The following PCNX1 variants were observed in gnomAD, a reference collection of about 807,000 sequenced individuals.
PCNX1 encodes the protein pecanex-like protein 1.
Under a neutral mutation model 242.2 loss-of-function variants are expected in PCNX1, and 78 were observed. The observed-to-expected ratio is 0.32, with a 90% CI of 0.27 to 0.39. PCNX1 has a LOEUF of 0.39. PCNX1 is among the 10% of genes least tolerant of loss of function. PCNX1 has a pLI of 1.00. For missense variants in PCNX1, 2,581 were observed against 2,856.5 expected (o/e 0.90, Z 2.20); for synonymous variants, 1,024 against 1,032.9 (o/e 0.99, Z 0.17).
At chr14:70,999,349 G>A (rs2059440005) in intron 8 of PCNX1, among the ~76,000 whole-genome samples, 1 of 152,136 alleles carries the variant, frequency 6.6e-6, no homozygotes, top group South Asian at 2.1e-4. Context: ...TTTTTTCTGT[G>A]TATGAAATTA....
chr14:70,974,468 T>C (rs984296148), intron 5 of PCNX1, among the ~76,000 whole-genome samples: 2 of 152,200 alleles, frequency 1.3e-5, no homozygotes, highest in African/African-American at 4.8e-5. Flanking sequence ...TTTCTCATGT[T>C]ATTACATAAT....
rs888306072 is a variant in PCNX1 at position 71,009,368 on chromosome 14, GA to G, written c.2630-260del. Reference sequence around the variant, plus strand: ...AATAGAGAATGTGCCGTGGGAAAAAGAAAAAAGAGATTGGTATTGCAAAGCT... The same window carrying G: ...AATAGAGAATGTGCCGTGGGAAAAAGAAAAAGAGATTGGTATTGCAAAGCT... On this transcript the variant is annotated intron_variant, in intron 8 of 35. Coordinates refer to ENST00000304743, the MANE Select transcript of PCNX1 (RefSeq NM_014982.3). 2.0e-5 allele frequency among the ~76,000 whole-genome samples: 3 copies of G among 152,014 alleles called. No individual in the cohort carries two copies. In the East Asian group the frequency reaches 5.8e-4, roughly 29 times the overall value.
intron 3 of PCNX1, among the ~76,000 whole-genome samples, chr14:70,962,925 ATTT>A (rs2058267702): frequency 1.3e-5 from 2 of 152,180 alleles, no homozygotes; most frequent in African/African-American, 2.4e-5. Context: ...TCAGCAGATG[ATTT>A]CATTGGGTAG....
At chr14:70,976,417 G>A (rs1309302094) in intron 5 of PCNX1, among the ~76,000 whole-genome samples, 1 of 146,786 alleles carries the variant, frequency 6.8e-6, no homozygotes, top group Admixed American at 7.0e-5. Flanking sequence ...CTTTTGCCCA[G>A]GCTGGAGTGC....
Position 71,089,203 on chromosome 14 carries a change from C to A in PCNX1, c.5450C>A (p.Ser1817Ter). Residue 1817 changes from serine to a stop codon, truncating the protein, a stop_gained, in exon 30 of 36, where the codon TCA becomes TAA. Coordinates refer to ENST00000304743, the MANE Select transcript of PCNX1 (RefSeq NM_014982.3). LOFTEE classifies it high-confidence loss of function. The part of the protein sequence containing the change: ...ASHHMSSNLE[S>*]FLYGLHALFK... ...TCCAATCTTAACAGTAATTTAGAGTCATTCCTCTATGGATTGCATGCCCTA... is the reference window on the plus strand; with the variant it reads ...TCCAATCTTAACAGTAATTTAGAGTAATTCCTCTATGGATTGCATGCCCTA... The A allele has an allele frequency of 1.2e-6, 2 of 1,607,272 alleles. No individual in the cohort carries two copies. Among genetic ancestry groups the A allele is most frequent in the South Asian group, 2.2e-5 (2 of 90,302 alleles).
rs150409436 is a variant in PCNX1, at chr14:71,066,270, A to G, written c.4853-7275A>G. Among the ~76,000 whole-genome samples, 48 of 152,146 alleles carry G rather than the reference A, an allele frequency of 3.2e-4. 1 individual carries two copies. The East Asian group carries it at 8.7e-3, about 28-fold the overall frequency. On this transcript the variant is annotated intron_variant, in intron 26 of 35. Coordinates refer to ENST00000304743, the MANE Select transcript of PCNX1 (RefSeq NM_014982.3). ...GCATGGAATGTTTTTCCATTTGTTT[A>G]TGTCCTCTCTTATTTCCTTGAGCAG...
Position 71,109,467 on chromosome 14 carries a change from C to A in PCNX1, c.6760C>A (p.Gln2254Lys). The change falls in exon 35 of 36, where the codon CAA becomes AAA. Residue 2254 changes from glutamine (Q) to lysine (K), a missense_variant. By Grantham distance (53) the Gln-to-Lys change is moderately conservative (BLOSUM62 1). This residue lies in a region of PCNX1 where 432 missense variants were observed against 433.6 expected (regional missense o/e 1.00). Coordinates refer to ENST00000304743, the MANE Select transcript of PCNX1 (RefSeq NM_014982.3). ...TACCATGTAGATTGTGGATCCCAGT[C>A]AAATTCTGGAAGGGATCAACCTGTC... is the stretch of plus-strand genomic sequence containing the variant. ...IYRVQIVDPS[Q>K]ILEGINLSKR... 1.2e-6 allele frequency: 2 copies of A among 1,612,048 alleles called. No homozygotes were observed. Among genetic ancestry groups the A allele is most frequent in the Non-Finnish European group, 1.7e-6 (2 of 1,178,882 alleles).
chr14:70,981,906 T>C (rs529317156), intron 6 of PCNX1, among the ~76,000 whole-genome samples: 1 of 152,222 alleles, frequency 6.6e-6, no homozygotes, highest in Non-Finnish European at 1.5e-5. Flanking sequence ...TGTGTTTACT[T>C]ACTATTCTTT....
At chr14:71,076,982 T>C (rs1164182873) in intron 28 of PCNX1, among the ~76,000 whole-genome samples, 2 of 152,294 alleles carry the variant, frequency 1.3e-5, no homozygotes, top group East Asian at 3.9e-4. Context: ...TATTAGACAG[T>C]GTGCATCTAG....
At chr14:71,102,279 A>ATT in intron 31 of PCNX1, 59 bp downstream of exon 31, 1 of 1,400,032 alleles carries the variant, frequency 7.1e-7, no homozygotes, top group Non-Finnish European at 1.0e-6. Flanking sequence ...CTTGATCTAA[A>ATT]ATTTTTTTTT....
Position 70,977,616 on chromosome 14 carries a change from A to G in PCNX1, c.1279A>G (p.Ser427Gly), listed in dbSNP as rs773257515. ...GGAGTCTCCTAAAGCAGGAACAAAA[A>G]GTGGGAGGAAGAAAGAGTGCTGTGC... ...HEESPKAGTK[S>G]GRKKECCAGP... Residue 427 changes from serine (S) to glycine (G), a missense_variant, in exon 6 of 36, where the codon AGT becomes GGT. This residue lies in a region of PCNX1 where 1,204 missense variants were observed against 1,216.7 expected (regional missense o/e 0.99). Transcript: ENST00000304743. 1.2e-6 allele frequency: 2 copies of G among 1,614,190 alleles called. No individual in the cohort carries two copies. Among genetic ancestry groups the G allele is most frequent in the East Asian group, 2.2e-5 (1 of 44,886 alleles).
chr14:71,018,131 T>C (rs1381375140), intron 11 of PCNX1, among the ~76,000 whole-genome samples: 1 of 152,118 alleles, frequency 6.6e-6, no homozygotes, highest in Non-Finnish European at 1.5e-5. Flanking sequence ...ACTTATATCC[T>C]CCTATGCCCA....
intron 30 of PCNX1, among the ~76,000 whole-genome samples, chr14:71,092,280 A>G (rs139505538): frequency 2.0e-5 from 3 of 152,350 alleles, no homozygotes; most frequent in African/African-American, 7.2e-5. Flanking sequence ...TTTTCATCTC[A>G]TGTTGAAAAT....
At chr14:70,991,783 TTAAA>T (rs1245650845) in intron 7 of PCNX1, among the ~76,000 whole-genome samples, 6 of 152,202 alleles carry the variant, frequency 3.9e-5, no homozygotes, top group African/African-American at 9.6e-5. Context: ...AATCTCGTCT[TTAAA>T]TAAGTATAGG....
At chr14:71,089,478 T>C in intron 30 of PCNX1, 136 bp downstream of exon 30, 1 of 650,086 alleles carries the variant, frequency 1.5e-6, no homozygotes. Context: ...AGAGGTTTAA[T>C]TGACTCACAG....
intron 2 of PCNX1, among the ~76,000 whole-genome samples, chr14:70,948,583 A>G (rs2057556254): frequency 6.6e-6 from 1 of 151,644 alleles, no homozygotes; most frequent in South Asian, 2.1e-4. Flanking sequence ...ATATACACAT[A>G]TGCATATATA....
rs142137831 is a variant in PCNX1, at chr14:71,013,060, C to G, written c.2854C>G (p.Leu952Val). Residue 952 changes from leucine (L) to valine (V), a missense_variant, in exon 11 of 36, where the codon CTA becomes GTA. Physicochemically the swap from Leu to Val is conservative, Grantham distance 32 (BLOSUM62 1). Around this residue, in one of 9 missense-constraint regions of PCNX1, gnomAD observed 1,204 missense variants for 1,216.7 expected, o/e 0.99. Transcript: ENST00000304743. ...TTTGTTGGAGCAACAGGACATTGAT[C>G]TAAGCCCTGACTTGGCAGCTACTTA... ...TDLLEQQDID[L>V]SPDLAATYGP... 8 of 1,614,070 alleles carry G rather than the reference C, an allele frequency of 5.0e-6. No individual in the cohort carries two copies. In the African/African-American group the frequency reaches 1.1e-4, roughly 22 times the overall value.
intron 22 of PCNX1, 147 bp from the exon 23 acceptor site, chr14:71,050,505 C>T: frequency 3.3e-6 from 2 of 610,274 alleles, no homozygotes; most frequent in Non-Finnish European, 2.7e-6. Context: ...TATATCTTTT[C>T]CTGTTATGTA....
chr14:70,940,733 G>T (rs573579645), intron 1 of PCNX1, among the ~76,000 whole-genome samples: 2 of 152,134 alleles, frequency 1.3e-5, no homozygotes, highest in South Asian at 4.1e-4. Flanking sequence ...TTCCAACTTG[G>T]TGCCATTCTC....
Sources: allele counts gnomAD v4.1 joint callset (sites outside exome capture counted in the v4.1 genomes callset), GRCh38; gene constraint gnomAD v4.1.1; regional missense constraint gnomAD v4.1.1; transcripts MANE v1.5; gene names NCBI Gene and HGNC (gene_info 2026-07-23, HGNC 2026-07-21).